Variants in MED27 observed in about 807,000 individuals in gnomAD.
MED27 encodes mediator complex subunit 27, also known as mediator of RNA polymerase II transcription subunit 27.
Under a neutral mutation model 38.2 loss-of-function variants are expected in MED27, and 30 were observed. The observed-to-expected ratio is 0.79, with a 90% CI of 0.59 to 1.07. The LOEUF (loss-of-function observed/expected upper bound fraction) is 1.07, where lower values mean the gene tolerates loss of function less well. Among genes scored for constraint, MED27 ranks in the 50% least tolerant of loss-of-function variants. The probability of loss-of-function intolerance (pLI) is 0.00; values close to 1 mark genes in which losing one functional copy is unlikely to be tolerated. For synonymous variants in MED27, 122 were observed against 153.5 expected (o/e 0.79, Z 1.52); for missense variants, 289 against 397.5 (o/e 0.73, Z 2.32).
At chr9:132,035,258 A>G (rs1362408291) in intron 2 of MED27, among the ~76,000 whole-genome samples, 1 of 152,238 alleles carries the variant, frequency 6.6e-6, no homozygotes, top group African/African-American at 2.4e-5. Flanking sequence ...CTAGCCAAAC[A>G]GCATTTCATT....
At chr9:132,079,528 A>T in intron 1 of MED27, 114 bp downstream of exon 1, 1 of 945,630 alleles carries the variant, frequency 1.1e-6, no homozygotes, top group Non-Finnish European at 1.7e-6. Flanking sequence ...GAAGAGAAAG[A>T]ACAGGGATCA....
At chr9:131,939,509 A>G in intron 3 of MED27, 35 bp from the exon 4 acceptor site, 1 of 1,373,644 alleles carries the variant, frequency 7.3e-7, no homozygotes, top group Non-Finnish European at 1.0e-6. Flanking sequence ...TGTGAACTAC[A>G]ACTCCAGTTA....
chr9:131,907,534 G>T (rs2131529650), intron 4 of MED27, among the ~76,000 whole-genome samples: 1 of 152,312 alleles, frequency 6.6e-6, no homozygotes, highest in East Asian at 1.9e-4. Flanking sequence ...ATGGTGCCCA[G>T]GCTGGAGTGC....
intron 3 of MED27, among the ~76,000 whole-genome samples, chr9:131,962,872 A>G (rs1452533739): frequency 2.0e-5 from 3 of 152,242 alleles, no homozygotes; most frequent in African/African-American, 7.2e-5. Context: ...GTGAAGAGGA[A>G]AGCTGGATGA....
intron 2 of MED27, among the ~76,000 whole-genome samples, chr9:132,077,223 A>G (rs1395845871): frequency 6.6e-6 from 1 of 152,224 alleles, no homozygotes; most frequent in East Asian, 1.9e-4. Flanking sequence ...CCTGAGTTAG[A>G]ATTTTTAACA....
Position 131,888,493 on chromosome 9 carries a change from AG to A in MED27, c.682-4395del, listed in dbSNP as rs567911227. On this transcript the variant is annotated intron_variant, in intron 5 of 7. Coordinates refer to ENST00000292035, the MANE Select transcript of MED27 (RefSeq NM_004269.4). ...CTTCTGGGAGCATAGTTCTGCTTTG[AG>A]GCCTGCTGCTGTGACAACCACTGCC... Among the ~76,000 whole-genome samples the A allele has an allele frequency of 2.9e-3, 444 of 152,336 alleles. 7 individuals carry two copies. The highest frequency in any genetic ancestry group is 6.5e-4 in the Non-Finnish European group (44 of 68,036).
chr9:132,035,147 G>A (rs886599195), intron 2 of MED27, among the ~76,000 whole-genome samples: 3 of 152,176 alleles, frequency 2.0e-5, no homozygotes, highest in African/African-American at 7.2e-5. Context: ...CACCAATCAG[G>A]AAGGAGGCTT....
At chr9:131,903,648 A>G (rs1829994748) in intron 4 of MED27, among the ~76,000 whole-genome samples, 1 of 152,152 alleles carries the variant, frequency 6.6e-6, no homozygotes, top group African/African-American at 2.4e-5. Context: ...AGCTGATGCT[A>G]TTGAGCGTCC....
At chr9:131,952,411 T>A (rs1047854569) in intron 3 of MED27, among the ~76,000 whole-genome samples, 10 of 152,206 alleles carry the variant, frequency 6.6e-5, no homozygotes, top group Non-Finnish European at 1.5e-4. Context: ...ACCTTGTTCC[T>A]GGCGGCAGGG....
In MED27 at chr9:131,876,633, G is replaced by A. The variant is rs139718209; in HGVS notation, c.723+7425C>T. ...TGCGGCTCTCAGCTCCCAGAGCCCCGCGCCGATGCTTCTGCTTGGCGACCT... is the reference window on the plus strand; with the variant it reads ...TGCGGCTCTCAGCTCCCAGAGCCCCACGCCGATGCTTCTGCTTGGCGACCT... On this transcript the variant is annotated intron_variant, in intron 6 of 7. Transcript: ENST00000292035. 3.0e-3 allele frequency among the ~76,000 whole-genome samples: 454 copies of A among 152,214 alleles called. 2 individuals are homozygous for A. Among genetic ancestry groups the A allele is most frequent in the African/African-American group, 4.5e-3 (186 of 41,524 alleles).
intron 4 of MED27, among the ~76,000 whole-genome samples, chr9:131,921,203 C>G (rs962312879): frequency 1.3e-4 from 20 of 152,174 alleles, no homozygotes; most frequent in Non-Finnish European, 1.5e-4. Flanking sequence ...CCCGTACACC[C>G]TTCATCTAGG....
At chr9:131,957,909 A>AAAG (rs1831137513) in intron 3 of MED27, among the ~76,000 whole-genome samples, 1 of 151,510 alleles carries the variant, frequency 6.6e-6, no homozygotes, top group African/African-American at 2.4e-5. Flanking sequence ...AAAAAAAAAA[A>AAAG]AAAGAAAGAA....
At chr9:131,884,752 C>T (rs986301177) in intron 5 of MED27, among the ~76,000 whole-genome samples, 8 of 151,656 alleles carry the variant, frequency 5.3e-5, no homozygotes, top group African/African-American at 1.7e-4. Context: ...GGACTATAGG[C>T]GTGTGTCACC....
At chr9:131,998,142 G>A (rs576581214) in intron 3 of MED27, among the ~76,000 whole-genome samples, 174 of 152,000 alleles carry the variant, frequency 1.1e-3, no homozygotes, top group Middle Eastern at 6.8e-3. Context: ...AGGAATGGGC[G>A]AGGTTCACAC....
At chr9:131,983,982 C>A (rs1831795461) in intron 3 of MED27, among the ~76,000 whole-genome samples, 1 of 152,120 alleles carries the variant, frequency 6.6e-6, no homozygotes, top group South Asian at 2.1e-4. Flanking sequence ...ACTTTCTGAC[C>A]TCTCGTCTCA....
At chr9:132,058,078 G>A (rs1833618832) in intron 2 of MED27, among the ~76,000 whole-genome samples, 1 of 152,124 alleles carries the variant, frequency 6.6e-6, no homozygotes, top group South Asian at 2.1e-4. Flanking sequence ...ATTATATGAG[G>A]CTTGGCCACC....
chr9:132,050,692 C>T (rs1188843495), intron 2 of MED27, among the ~76,000 whole-genome samples: 1 of 152,212 alleles, frequency 6.6e-6, no homozygotes, highest in Non-Finnish European at 1.5e-5. Flanking sequence ...GCTCTCCAGA[C>T]ACCACATGCA....
intron 4 of MED27, among the ~76,000 whole-genome samples, chr9:131,933,876 T>C (rs1284937572): frequency 1.3e-5 from 2 of 152,108 alleles, no homozygotes; most frequent in Non-Finnish European, 2.9e-5. Context: ...TGACTTCAAA[T>C]TATATTGCAG....
chr9:132,079,555 G>A lies in MED27; in HGVS notation c.203+87C>T. 3.2e-6 allele frequency: 4 copies of A among 1,240,416 alleles called. No homozygotes were observed. In the Admixed American group the frequency reaches 7.3e-5, roughly 23 times the overall value. 76.8% of individuals were successfully genotyped at this position (1,240,416 alleles called of 1,614,324 possible). A position where few individuals can be genotyped will look rare whatever the true frequency, so the allele number is the denominator to read the frequency against. On this transcript the variant is annotated intron_variant, in intron 1 of 7. Transcript: ENST00000292035. ...CAGGGATCAAGGGAAACGGAGAACA[G>A]CCCCTGCCTGGGAAGACTCGAGCGA...
Sources: allele counts gnomAD v4.1 joint callset (sites outside exome capture counted in the v4.1 genomes callset), GRCh38; gene constraint gnomAD v4.1.1; transcripts MANE v1.5; gene names NCBI Gene and HGNC (gene_info 2026-07-23, HGNC 2026-07-21).